Variants in DPP6 observed in about 807,000 individuals in gnomAD.
The protein encoded by DPP6 is A-type potassium channel modulatory protein DPP6.
A neutral mutation model predicts 122.6 loss-of-function variants in DPP6; 69 were observed. The ratio of observed to expected loss-of-function variants is 0.56; its 90% CI spans 0.46 to 0.69. The LOEUF is 0.69. DPP6 is among the 30% of genes least tolerant of loss of function. The pLI is 0.00. For missense variants in DPP6, 928 were observed against 1,116.9 expected (o/e 0.83, Z 2.41); for synonymous variants, 418 against 433.1 (o/e 0.97, Z 0.43).
At chr7:154,170,216 C>T (rs1226587292) in intron 1 of DPP6, among the ~76,000 whole-genome samples, 3 of 152,172 alleles carry the variant, frequency 2.0e-5, no homozygotes, top group East Asian at 3.9e-4. Context: ...GCCTGCCCAG[C>T]TCCATCCAGG....
At chr7:154,721,060 CT>C (rs1481878394) in intron 7 of DPP6, among the ~76,000 whole-genome samples, 2 of 152,236 alleles carry the variant, frequency 1.3e-5, no homozygotes, top group African/African-American at 4.8e-5. Context: ...GTGTGAGCTT[CT>C]GACATCAGGT....
chr7:154,182,855 C>T (rs901580897), intron 1 of DPP6, among the ~76,000 whole-genome samples: 2 of 152,160 alleles, frequency 1.3e-5, no homozygotes, highest in Non-Finnish European at 2.9e-5. Flanking sequence ...TTCCCTTGCC[C>T]TCACAGCCTG....
intron 1 of DPP6, among the ~76,000 whole-genome samples, chr7:154,260,501 C>T (rs1396862095): frequency 6.6e-6 from 1 of 151,780 alleles, no homozygotes; most frequent in Non-Finnish European, 1.5e-5. Flanking sequence ...CATTCTTATG[C>T]CTTTGCATCC....
rs145045763 is a variant in DPP6, at chr7:154,848,910, A to G, written c.1667-4870A>G. Among the ~76,000 whole-genome samples the G allele has an allele frequency of 2.1e-3, 315 of 152,302 alleles. 1 individual carries two copies. Among genetic ancestry groups the G allele is most frequent in the Admixed American group, 3.0e-3 (46 of 15,300 alleles). On this transcript the variant is annotated intron_variant, in intron 16 of 25. Transcript: ENST00000377770. Reference sequence around the variant, plus strand: ...CCAGCTTTTCCAACACCACTTATTGAAGAGACTGTCCTTTCCCCAGTGTGT... The same window carrying G: ...CCAGCTTTTCCAACACCACTTATTGGAGAGACTGTCCTTTCCCCAGTGTGT...
At chr7:154,646,328 G>A (rs1836478794) in intron 6 of DPP6, among the ~76,000 whole-genome samples, 5 of 152,110 alleles carry the variant, frequency 3.3e-5, no homozygotes, top group South Asian at 4.2e-4. Flanking sequence ...ATCACATCAC[G>A]CAATGTGTCC....
At chr7:154,671,755 G>T (rs1295395746) in intron 7 of DPP6, among the ~76,000 whole-genome samples, 1 of 152,172 alleles carries the variant, frequency 6.6e-6, no homozygotes, top group Non-Finnish European at 1.5e-5. Flanking sequence ...GGGGATAAGT[G>T]ATTATAGAAG....
chr7:154,762,546 C>T (rs888395958), intron 8 of DPP6, among the ~76,000 whole-genome samples: 18 of 152,216 alleles, frequency 1.2e-4, no homozygotes, highest in Admixed American at 4.6e-4. Flanking sequence ...TAGTTGAATT[C>T]GCAGACTGAG....
In DPP6 at chr7:154,052,634, CGGAGACTCGCGAGTGGCGCGCG is replaced by C. The variant is rs1800436815; in HGVS notation, c.-182_-161del. ...AGGCTGAGCCAGGCAGAGTCGCCAG[CGGAGACTCGCGAGTGGCGCGCG>C]GGAGGAGCGGCCGCCGGCGCTGGGC... On this transcript the variant is annotated 5_prime_UTR_variant, in exon 1 of 26. Coordinates refer to ENST00000377770, the MANE Select transcript of DPP6 (RefSeq NM_130797.4). The surrounding 1 kb of genome is among the most constrained non-coding windows in gnomAD (Gnocchi z 4.8). 1 of 1,268,460 alleles carries C rather than the reference CGGAGACTCGCGAGTGGCGCGCG, an allele frequency of 7.9e-7. No individual in the cohort carries two copies. Among genetic ancestry groups the C allele is most frequent in the Non-Finnish European group, 1.0e-6 (1 of 997,842 alleles). The allele number at this position is 1,268,460 out of a possible 1,614,324, so 78.6% of individuals were successfully genotyped here.
chr7:153,768,464 T>C, the DPP6 span, among the ~76,000 whole-genome samples: 1 of 152,138 alleles, frequency 6.6e-6, no homozygotes, highest in African/African-American at 2.4e-5. Context: ...TCAGCTTTAG[T>C]ATTATACTAC....
chr7:154,709,470 T>G (rs970180187), intron 7 of DPP6, among the ~76,000 whole-genome samples: 1 of 152,210 alleles, frequency 6.6e-6, no homozygotes, highest in African/African-American at 2.4e-5. Context: ...TCCTCCCACC[T>G]TGGCCTCCCA....
At chr7:154,348,027 G>A (rs1385441114) in intron 1 of DPP6, among the ~76,000 whole-genome samples, 1 of 152,156 alleles carries the variant, frequency 6.6e-6, no homozygotes, top group Non-Finnish European at 1.5e-5. Flanking sequence ...TTGACGGTTT[G>A]AGGAACTATG....
chr7:153,855,084 G>A, the DPP6 span, among the ~76,000 whole-genome samples: 3 of 109,946 alleles, frequency 2.7e-5, no homozygotes, highest in East Asian at 3.0e-4. Flanking sequence ...TCTGGGGACT[G>A]TTGTGGGTTG....
chr7:154,359,504 A>G (rs1811549108), intron 1 of DPP6, among the ~76,000 whole-genome samples: 1 of 152,040 alleles, frequency 6.6e-6, no homozygotes, highest in African/African-American at 2.4e-5. Context: ...CCCCTGCCTT[A>G]TTCTTTATGG....
chr7:154,642,585 A>G (rs1836175362), intron 6 of DPP6, among the ~76,000 whole-genome samples: 1 of 151,894 alleles, frequency 6.6e-6, no homozygotes, highest in South Asian at 2.1e-4. Context: ...GCAAGACTCC[A>G]TCTCAAAAAA....
Position 154,666,638 on chromosome 7 carries a change from C to T in DPP6, c.681-2722C>T, listed in dbSNP as rs114294430. ...TAACTGAAACTTTGTATCTTTTTAT[C>T]AGCACCCCCCCAATCCCTCCCACTC... On this transcript the variant is annotated intron_variant, in intron 6 of 25. Transcript: ENST00000377770. 3.8e-3 allele frequency among the ~76,000 whole-genome samples: 576 copies of T among 152,204 alleles called. 6 individuals are homozygous for T. Among genetic ancestry groups the T allele is most frequent in the African/African-American group, 0.013 (542 of 41,528 alleles).
At chr7:153,846,058 C>G in the DPP6 span, among the ~76,000 whole-genome samples, 1 of 152,192 alleles carries the variant, frequency 6.6e-6, no homozygotes, top group East Asian at 1.9e-4. Flanking sequence ...GACATAATAC[C>G]TAACATCTTT....
At chr7:154,685,263 C>A (rs1179116688) in intron 7 of DPP6, among the ~76,000 whole-genome samples, 3 of 152,178 alleles carry the variant, frequency 2.0e-5, no homozygotes, top group African/African-American at 7.2e-5. Flanking sequence ...TTTCCAATAA[C>A]CCTAAAATTT....
intron 1 of DPP6, among the ~76,000 whole-genome samples, chr7:154,286,381 AGGCTGTAGGT>A (rs1299970352): frequency 1.3e-5 from 2 of 152,200 alleles, no homozygotes; most frequent in Non-Finnish European, 2.9e-5. Flanking sequence ...GCTTAGGGTC[AGGCTGTAGGT>A]GGCACCAGCC....
chr7:153,884,987 A>AATACATATATATATATATATATATATAT, upstream of DPP6, among the ~76,000 whole-genome samples: 1 of 116,456 alleles, frequency 8.6e-6, no homozygotes, highest in Non-Finnish European at 1.7e-5. Flanking sequence ...TCAAAACAAA[A>AATACATATATATATATATATATATATAT]ATATATATAT....
Sources: allele counts gnomAD v4.1 joint callset (sites outside exome capture counted in the v4.1 genomes callset), GRCh38; gene constraint gnomAD v4.1.1; non-coding constraint Gnocchi (gnomAD v3.1); transcripts MANE v1.5; gene names NCBI Gene and HGNC (gene_info 2026-07-23, HGNC 2026-07-21).